PPP1R13B: variants seen among roughly 807,000 people sequenced by gnomAD.
PPP1R13B encodes the protein apoptosis-stimulating of p53 protein 1.
In PPP1R13B, 44 loss-of-function variants were observed where a neutral mutation model predicts 119.8. The observed-to-expected ratio is 0.37, with a 90% CI of 0.29 to 0.47. The LOEUF (loss-of-function observed/expected upper bound fraction) is 0.47. PPP1R13B is among the 20% of genes least tolerant of loss of function. The pLI is 0.99. For missense variants in PPP1R13B, 1,227 were observed against 1,413.5 expected (o/e 0.87, Z 2.12); for synonymous variants, 542 against 561.5 (o/e 0.97, Z 0.49).
chr14:103,777,547 C>A (rs2085236317), intron 4 of PPP1R13B, among the ~76,000 whole-genome samples: 1 of 152,120 alleles, frequency 6.6e-6, no homozygotes, highest in Non-Finnish European at 1.5e-5. Context: ...TTTACGTGCA[C>A]AGAGGCACCC....
chr14:103,798,152 C>CTTTTT (rs768163941), intron 1 of PPP1R13B, among the ~76,000 whole-genome samples: 18 of 129,170 alleles, frequency 1.4e-4, no homozygotes, highest in East Asian at 6.6e-4. Flanking sequence ...ATAATAATCT[C>CTTTTT]TTTTTTTTTT....
At position 103,808,539 on chromosome 14, in the gene PPP1R13B, C is replaced by T. The variant is rs543382139; in HGVS notation, c.10-11021G>A. Among the ~76,000 whole-genome samples the T allele has an allele frequency of 2.8e-4, 43 of 152,316 alleles. 1 individual carries two copies. Among genetic ancestry groups the T allele is most frequent in the Admixed American group, 2.0e-3 (30 of 15,296 alleles). Reference sequence around the variant, plus strand: ...GGGCTGCATTCAAAGCTGTCCTGGGCCTCCTGTGGCCCGGTGCCATGGGTT... The same window carrying T: ...GGGCTGCATTCAAAGCTGTCCTGGGTCTCCTGTGGCCCGGTGCCATGGGTT... On this transcript the variant is annotated intron_variant, in intron 1 of 16. Transcript: ENST00000202556.
chr14:103,745,941 GA>G (rs2084375070), intron 9 of PPP1R13B, among the ~76,000 whole-genome samples: 2 of 152,184 alleles, frequency 1.3e-5, no homozygotes, highest in Non-Finnish European at 2.9e-5. Context: ...GAGTAGCTGG[GA>G]TTACAGGTGC....
chr14:103,803,088 G>A (rs949345686), intron 1 of PPP1R13B, among the ~76,000 whole-genome samples: 1 of 152,116 alleles, frequency 6.6e-6, no homozygotes, highest in African/African-American at 2.4e-5. Context: ...ATTCTAGTAA[G>A]ATTTCTTCAG....
chr14:103,781,842 C>T (rs1482836804), intron 3 of PPP1R13B, among the ~76,000 whole-genome samples: 5 of 150,518 alleles, frequency 3.3e-5, no homozygotes, highest in Non-Finnish European at 4.4e-5. Context: ...TTAGTAGAGA[C>T]GGGATTTCAT....
At chr14:103,748,677 C>A (rs1040396209) in intron 8 of PPP1R13B, among the ~76,000 whole-genome samples, 1 of 152,222 alleles carries the variant, frequency 6.6e-6, no homozygotes, top group Non-Finnish European at 1.5e-5. Context: ...CACATCCGGC[C>A]AAAGACACAG....
At chr14:103,787,650 ATTTTT>A (rs751638213) in intron 2 of PPP1R13B, among the ~76,000 whole-genome samples, 1 of 113,662 alleles carries the variant, frequency 8.8e-6, no homozygotes, top group Non-Finnish European at 1.8e-5. Flanking sequence ...TAATTGCTAC[ATTTTT>A]TTTTTTTTTT....
chr14:103,737,879 G>C lies in PPP1R13B; in HGVS notation c.2865-19C>G. ...CGGCGTCCTGGAATAGAGCGTGGGTGAAGGTGCAGGCCTGGCACTGCCTGT... is the reference window on the plus strand; with the variant it reads ...CGGCGTCCTGGAATAGAGCGTGGGTCAAGGTGCAGGCCTGGCACTGCCTGT... On this transcript the variant is annotated intron_variant, in intron 14 of 16. Coordinates refer to ENST00000202556, the MANE Select transcript of PPP1R13B (RefSeq NM_015316.3). 1 of 1,608,796 alleles carries C rather than the reference G, an allele frequency of 6.2e-7. No homozygotes were observed. The highest frequency in any genetic ancestry group is 8.5e-7 in the Non-Finnish European group (1 of 1,177,680).
intron 1 of PPP1R13B, among the ~76,000 whole-genome samples, chr14:103,803,652 T>C (rs771377629): frequency 9.9e-5 from 15 of 152,010 alleles, no homozygotes; most frequent in Non-Finnish European, 2.1e-4. Context: ...CAAAAATAAA[T>C]AAATAAATAA....
chr14:103,804,907 G>T (rs572889029), intron 1 of PPP1R13B, among the ~76,000 whole-genome samples: 1 of 152,300 alleles, frequency 6.6e-6, no homozygotes, highest in South Asian at 2.1e-4. Flanking sequence ...CTCAATCTCA[G>T]CTCACTGCAA....
chr14:103,749,668 G>T, intron 8 of PPP1R13B, 126 bp downstream of exon 8: 2 of 995,664 alleles, frequency 2.0e-6, no homozygotes, highest in Non-Finnish European at 2.9e-6. Flanking sequence ...ATTTTTGATG[G>T]TTTATGGCCT....
chr14:103,814,148 C>T (rs1595812154), intron 1 of PPP1R13B, among the ~76,000 whole-genome samples: 2 of 151,976 alleles, frequency 1.3e-5, no homozygotes, highest in Non-Finnish European at 2.9e-5. Context: ...CTGGAGTTCA[C>T]GACCAGCCTG....
In PPP1R13B at chr14:103,737,851, C is replaced by T. The variant is rs2084152154; in HGVS notation, c.2874G>A (p.Leu958=). The change falls in exon 15 of 17, where the codon CTG becomes CTA. Residue 958 remains leucine, a synonymous_variant. Transcript: ENST00000202556. ...CGCTGTTACAAGAGGCAGCGCAGTG[C>T]AGCGGCGTCCTGGAATAGAGCGTGG... is the stretch of plus-strand genomic sequence containing the variant. The part of the protein sequence containing the change: ...NAADSDGWTP[L]HCAASCNSVH... 1 of 1,613,522 alleles carries T rather than the reference C, an allele frequency of 6.2e-7. No individual in the cohort carries two copies. Among genetic ancestry groups the T allele is most frequent in the African/African-American group, 1.3e-5 (1 of 74,944 alleles).
intron 1 of PPP1R13B, among the ~76,000 whole-genome samples, chr14:103,845,013 T>C (rs142617175): frequency 6.6e-6 from 1 of 152,330 alleles, no homozygotes; most frequent in Non-Finnish European, 1.5e-5. Flanking sequence ...ATTTTGGATA[T>C]GCTAAGTTAA....
chr14:103,746,191 C>T (rs2084380302), intron 9 of PPP1R13B, among the ~76,000 whole-genome samples, 182 bp downstream of exon 9: 2 of 152,176 alleles, frequency 1.3e-5, no homozygotes, highest in African/African-American at 4.8e-5. Flanking sequence ...ACTTGTTTTC[C>T]TTTTAGGATT....
chr14:103,811,558 C>A (rs2086156773), intron 1 of PPP1R13B, among the ~76,000 whole-genome samples: 1 of 152,024 alleles, frequency 6.6e-6, no homozygotes, highest in Non-Finnish European at 1.5e-5. Context: ...TGTAGTAGTG[C>A]AGGCCTGTAG....
In PPP1R13B at chr14:103,776,201, GA is replaced by G. The variant is rs1478919958; in HGVS notation, c.354+2543del. On this transcript the variant is annotated intron_variant, in intron 4 of 16. Coordinates refer to ENST00000202556, the MANE Select transcript of PPP1R13B (RefSeq NM_015316.3). ...GGGAGGGAGGGAGGAAGGAAGGAAGGAAGGAAGGAAGGAAGGAAGGAAGGAA... is the reference window on the plus strand; with the variant it reads ...GGGAGGGAGGGAGGAAGGAAGGAAGGAGGAAGGAAGGAAGGAAGGAAGGAA... 8.5e-4 allele frequency among the ~76,000 whole-genome samples: 114 copies of G among 134,398 alleles called. 2 individuals are homozygous for G. Among genetic ancestry groups the G allele is most frequent in the Non-Finnish European group, 1.6e-3 (99 of 60,338 alleles). The allele number at this position is 134,398 out of a possible 152,430, so 88.2% of individuals were successfully genotyped here. A position where few individuals can be genotyped will look rare whatever the true frequency, so the allele number is the denominator to read the frequency against.
chr14:103,789,508 G>A (rs1413064421), intron 2 of PPP1R13B, among the ~76,000 whole-genome samples: 1 of 151,714 alleles, frequency 6.6e-6, no homozygotes, highest in African/African-American at 2.4e-5. Context: ...GAACCACCGT[G>A]TCCGGCCAAT....
chr14:103,806,501 G>T (rs2086021363), intron 1 of PPP1R13B, among the ~76,000 whole-genome samples: 1 of 152,146 alleles, frequency 6.6e-6, no homozygotes, highest in Non-Finnish European at 1.5e-5. Context: ...GGGTGAGGGT[G>T]GGTGAACACC....
Sources: gnomAD v4.1 joint callset for allele counts (sites outside exome capture counted in the v4.1 genomes callset) on GRCh38, gnomAD v4.1.1 for gene constraint, MANE v1.5 for transcripts, NCBI Gene and HGNC (gene_info 2026-07-23, HGNC 2026-07-21) for gene names.